MYO3A: variants seen among roughly 807,000 people sequenced by gnomAD.
MYO3A encodes myosin IIIA, also known as myosin-IIIa.
In MYO3A, 180 loss-of-function variants were observed where a neutral mutation model predicts 192.7. That is an observed-to-expected ratio of 0.93 (90% CI 0.83 to 1.06). The LOEUF is 1.06. MYO3A is among the 50% of genes least tolerant of loss of function. The probability of loss-of-function intolerance (pLI) is 0.00; values close to 1 mark genes in which losing one functional copy is unlikely to be tolerated. For synonymous variants in MYO3A, 628 were observed against 645.3 expected (o/e 0.97, Z 0.41); for missense variants, 1,896 against 1,905.0 (o/e 1.00, Z 0.09).
chr10:25,965,625 G>A (rs1838209202), intron 4 of MYO3A, among the ~76,000 whole-genome samples: 1 of 152,006 alleles, frequency 6.6e-6, no homozygotes, highest in African/African-American at 2.4e-5. Context: ...ATGATTTGTA[G>A]TCCTCATGGC....
At chr10:26,013,853 C>T (rs1197636564) in intron 6 of MYO3A, among the ~76,000 whole-genome samples, 1 of 152,062 alleles carries the variant, frequency 6.6e-6, no homozygotes, top group Non-Finnish European at 1.5e-5. Context: ...TTCACAATTT[C>T]AAAGATGTGG....
intron 6 of MYO3A, among the ~76,000 whole-genome samples, chr10:26,004,477 A>G (rs971693129): frequency 4.0e-5 from 6 of 151,270 alleles, no homozygotes; most frequent in Admixed American, 2.6e-4. Context: ...ATATAATGTG[A>G]ATGCATGTGA....
rs1271776504 is a variant in MYO3A, at chr10:26,212,137, G to T, written c.*174G>T. 2.1e-6 allele frequency: 2 copies of T among 972,410 alleles called. No homozygotes were observed. Among genetic ancestry groups the T allele is most frequent in the Admixed American group, 3.0e-5 (1 of 33,452 alleles). 60.2% of individuals were successfully genotyped at this position (972,410 alleles called of 1,614,324 possible). A position where few individuals can be genotyped will look rare whatever the true frequency, so the allele number is the denominator to read the frequency against. On this transcript the variant is annotated 3_prime_UTR_variant, in exon 35 of 35. Transcript: ENST00000642920. ...GTGCCCGGGCCGGCCTTCGTGCTCC[G>T]AAACAAGAGACCTGGGAGCCCTCGG...
intron 23 of MYO3A, among the ~76,000 whole-genome samples, chr10:26,152,067 T>G (rs914438956): frequency 3.9e-5 from 6 of 152,214 alleles, no homozygotes; most frequent in African/African-American, 1.4e-4. Context: ...TTTTTTGCCC[T>G]TATAAAATAT....
At position 25,985,255 on chromosome 10, in the gene MYO3A, A is replaced by AAAAAG. The variant is rs745441105; in HGVS notation, c.304-11232_304-11231insAGAAA. Among the ~76,000 whole-genome samples the AAAAAG allele has an allele frequency of 7.3e-3, 1,080 of 147,456 alleles. 28 individuals carry two copies. Among genetic ancestry groups the AAAAAG allele is most frequent in the African/African-American group, 0.027 (1,031 of 38,508 alleles). On this transcript the variant is annotated intron_variant, in intron 4 of 34. Coordinates refer to ENST00000642920, the MANE Select transcript of MYO3A (RefSeq NM_017433.5). ...TCTGTCTCAAAAAAAAAAAAAAAAA[A>AAAAAG]AAATTCTGAAAGAGCACAAATATAT...
intron 6 of MYO3A, 152 bp from the exon 7 acceptor site, chr10:26,016,668 C>G: frequency 1.3e-6 from 1 of 754,512 alleles, no homozygotes; most frequent in Non-Finnish European, 2.3e-6. Flanking sequence ...CTGCAGAAAT[C>G]CTGATTTAGG....
chr10:26,137,785 A>G (rs1255660948), intron 20 of MYO3A, among the ~76,000 whole-genome samples: 4 of 152,126 alleles, frequency 2.6e-5, no homozygotes, highest in South Asian at 2.1e-4. Flanking sequence ...TGTCTGTCCT[A>G]TGTGGTTGAG....
intron 10 of MYO3A, among the ~76,000 whole-genome samples, chr10:26,034,157 G>A (rs917685809): frequency 6.6e-6 from 1 of 152,190 alleles, no homozygotes; most frequent in African/African-American, 2.4e-5. Context: ...CATTTTGCTT[G>A]TTCCCAGTAT....
Position 26,120,675 on chromosome 10 carries a change from G to A in MYO3A, c.1777-1G>A. 1 of 1,613,920 alleles carries A rather than the reference G, an allele frequency of 6.2e-7. No homozygotes were observed. Among genetic ancestry groups the A allele is most frequent in the Non-Finnish European group, 8.5e-7 (1 of 1,179,966 alleles). On this transcript the variant is annotated splice_acceptor_variant, in intron 17 of 34. Coordinates refer to ENST00000642920, the MANE Select transcript of MYO3A (RefSeq NM_017433.5). LOFTEE classifies it high-confidence loss of function. Reference sequence around the variant, plus strand: ...GCCAATGTTTCTGTGGTGTGTTTCAGCAACTTGGTAGTATATACAGCATAC... The same window carrying A: ...GCCAATGTTTCTGTGGTGTGTTTCAACAACTTGGTAGTATATACAGCATAC...
intron 22 of MYO3A, 45 bp from the exon 23 acceptor site, chr10:26,147,385 G>A (rs1269127215): frequency 6.4e-7 from 1 of 1,555,280 alleles, no homozygotes; most frequent in East Asian, 2.2e-5. Context: ...GGAGGAGGAT[G>A]ACAATGACAT....
chr10:25,980,369 C>T (rs938524842), intron 4 of MYO3A, among the ~76,000 whole-genome samples: 2 of 152,128 alleles, frequency 1.3e-5, no homozygotes, highest in South Asian at 2.1e-4. Flanking sequence ...TGAGAAAAAG[C>T]GGTCCTAGTC....
chr10:26,074,128 A>G (rs79672484), intron 14 of MYO3A, among the ~76,000 whole-genome samples: 9,277 of 152,268 alleles, frequency 0.061, 369 homozygotes, highest in Non-Finnish European at 0.088. Context: ...AAAAATTTTT[A>G]TTATGATCTA....
chr10:26,208,144 AAAGAGGACAAC>A (rs1844060563), intron 34 of MYO3A, among the ~76,000 whole-genome samples: 1 of 152,172 alleles, frequency 6.6e-6, no homozygotes, highest in African/African-American at 2.4e-5. Context: ...CACTAGAGGA[AAAGAGGACAAC>A]AAGAGGCTGA....
At chr10:26,024,140 T>G in intron 9 of MYO3A, 53 bp downstream of exon 9, 1 of 1,473,084 alleles carries the variant, frequency 6.8e-7, no homozygotes. Flanking sequence ...CTGCTATAAC[T>G]AAATCTCCTC....
chr10:26,140,143 T>A (rs145926492), intron 20 of MYO3A, among the ~76,000 whole-genome samples: 1 of 152,302 alleles, frequency 6.6e-6, no homozygotes, highest in East Asian at 1.9e-4. Flanking sequence ...TACTCATCTG[T>A]GCTGAGAAAT....
intron 20 of MYO3A, among the ~76,000 whole-genome samples, chr10:26,135,637 G>A (rs1839801284): frequency 6.6e-6 from 1 of 152,032 alleles, no homozygotes; most frequent in Non-Finnish European, 1.5e-5. Flanking sequence ...CATGATTTTA[G>A]GGTTGGAATG....
At chr10:26,141,394 T>C (rs1840157095) in intron 20 of MYO3A, among the ~76,000 whole-genome samples, 1 of 152,232 alleles carries the variant, frequency 6.6e-6, no homozygotes, top group Non-Finnish European at 1.5e-5. Flanking sequence ...TTATAAATTC[T>C]GAGTAATAGC....
intron 10 of MYO3A, among the ~76,000 whole-genome samples, chr10:26,055,333 C>G (rs930609495): frequency 1.1e-4 from 16 of 152,074 alleles, no homozygotes; most frequent in African/African-American, 3.9e-4. Flanking sequence ...CCAGTGAAAA[C>G]TGAACAAAAT....
chr10:25,944,600 C>T (rs1256898063), intron 2 of MYO3A, among the ~76,000 whole-genome samples: 1 of 151,866 alleles, frequency 6.6e-6, no homozygotes, highest in African/African-American at 2.4e-5. Context: ...GATACCTCTT[C>T]AGATTTTCTA....
Sources: gnomAD v4.1 joint callset for allele counts (sites outside exome capture counted in the v4.1 genomes callset) on GRCh38, gnomAD v4.1.1 for gene constraint, MANE v1.5 for transcripts, NCBI Gene and HGNC (gene_info 2026-07-23, HGNC 2026-07-21) for gene names.